The following NR3C2 variants were observed in gnomAD, a reference collection of about 807,000 sequenced individuals.
The protein encoded by NR3C2 is nuclear receptor subfamily 3 group C member 2.
In NR3C2, 15 loss-of-function variants were observed where a neutral mutation model predicts 86.4. That is an observed-to-expected ratio of 0.17 (90% CI 0.12 to 0.27). The LOEUF is 0.27. NR3C2 is among the 10% of genes least tolerant of loss of function. NR3C2 has a pLI of 1.00. For missense variants in NR3C2, 960 were observed against 1,195.6 expected (o/e 0.80, Z 2.91); for synonymous variants, 458 against 450.5 (o/e 1.02, Z -0.21).
At chr4:148,394,378 AAAAAAAC>A in intron 2 of NR3C2, among the ~76,000 whole-genome samples, 1 of 152,112 alleles carries the variant, frequency 6.6e-6, no homozygotes, top group East Asian at 1.9e-4. Flanking sequence ...TATCTTGAAA[AAAAAAAC>A]AAAAAACAAA....
chr4:148,387,879 T>C (rs1251724173), intron 2 of NR3C2, among the ~76,000 whole-genome samples: 1 of 152,166 alleles, frequency 6.6e-6, no homozygotes, highest in Non-Finnish European at 1.5e-5. Context: ...CAAGCAGTAT[T>C]TTACAGGTGG....
intron 6 of NR3C2, 112 bp from the exon 7 acceptor site, chr4:148,120,400 T>C: frequency 7.8e-7 from 1 of 1,278,636 alleles, no homozygotes; most frequent in South Asian, 1.2e-5. Context: ...CCTTTTGGCT[T>C]CAACATGGAG....
intron 2 of NR3C2, among the ~76,000 whole-genome samples, chr4:148,329,849 A>G (rs1744146839): frequency 6.6e-6 from 1 of 152,228 alleles, no homozygotes; most frequent in Non-Finnish European, 1.5e-5. Flanking sequence ...TTTAATCGTT[A>G]ACTGGAGAAG....
chr4:148,138,260 A>G (rs1733444024), intron 6 of NR3C2, among the ~76,000 whole-genome samples: 1 of 152,228 alleles, frequency 6.6e-6, no homozygotes. Context: ...AAATACTGTC[A>G]TGATATCAGA....
chr4:148,221,207 G>A (rs867796544), intron 3 of NR3C2, among the ~76,000 whole-genome samples: 30 of 152,272 alleles, frequency 2.0e-4, no homozygotes, highest in African/African-American at 5.1e-4. Flanking sequence ...TGGCTGAAGC[G>A]TTTAAAAGGT....
At chr4:148,206,886 G>A (rs1480906333) in intron 3 of NR3C2, among the ~76,000 whole-genome samples, 1 of 152,128 alleles carries the variant, frequency 6.6e-6, no homozygotes, top group East Asian at 1.9e-4. Flanking sequence ...CAGGTTACTG[G>A]GTTAGGCAAG....
At chr4:148,269,678 A>C (rs1277294130) in intron 2 of NR3C2, among the ~76,000 whole-genome samples, 4 of 152,190 alleles carry the variant, frequency 2.6e-5, no homozygotes, top group South Asian at 2.1e-4. Context: ...CAAAACAAAA[A>C]AAACACCTGT....
chr4:148,174,571 G>C (rs981560653), intron 4 of NR3C2, among the ~76,000 whole-genome samples: 4 of 152,200 alleles, frequency 2.6e-5, no homozygotes, highest in African/African-American at 9.7e-5. Flanking sequence ...GGGAGCCTGG[G>C]GCATGGAGCA....
intron 2 of NR3C2, among the ~76,000 whole-genome samples, chr4:148,287,092 G>A (rs72655275): frequency 8.5e-5 from 13 of 152,326 alleles, no homozygotes; most frequent in African/African-American, 2.9e-4. Flanking sequence ...GGCCCATGAG[G>A]CTGCTCAACC....
At chr4:148,099,898 G>T (rs1731457931) in intron 8 of NR3C2, among the ~76,000 whole-genome samples, 1 of 151,988 alleles carries the variant, frequency 6.6e-6, no homozygotes, top group Non-Finnish European at 1.5e-5. Flanking sequence ...TAAAATTTTT[G>T]TTTTTTCCAG....
At chr4:148,130,948 C>T (rs192491743) in intron 6 of NR3C2, among the ~76,000 whole-genome samples, 2 of 151,604 alleles carry the variant, frequency 1.3e-5, no homozygotes, top group African/African-American at 2.4e-5. Flanking sequence ...CTCAGCCTCC[C>T]GAGTAGCCGG....
At chr4:148,082,287 A>G (rs937311604) in intron 8 of NR3C2, among the ~76,000 whole-genome samples, 1 of 152,232 alleles carries the variant, frequency 6.6e-6, no homozygotes, top group Non-Finnish European at 1.5e-5. Flanking sequence ...ACGGCCAAAT[A>G]GGAACAGCTC....
chr4:148,302,560 G>T (rs1489395270), intron 2 of NR3C2, among the ~76,000 whole-genome samples: 4 of 152,166 alleles, frequency 2.6e-5, no homozygotes, highest in Non-Finnish European at 4.4e-5. Context: ...CACAACTGGA[G>T]AAACCAGTTG....
chr4:148,094,452 G>A (rs1322394351), intron 8 of NR3C2, among the ~76,000 whole-genome samples: 11 of 152,254 alleles, frequency 7.2e-5, no homozygotes, highest in South Asian at 2.1e-4. Context: ...TGGGGCCCAC[G>A]CCTGTAATCC....
At chr4:148,412,821 G>GCACGCACA (rs1748774107) in intron 2 of NR3C2, among the ~76,000 whole-genome samples, 1 of 115,954 alleles carries the variant, frequency 8.6e-6, no homozygotes, top group Non-Finnish European at 1.9e-5. Flanking sequence ...GCACATGTGC[G>GCACGCACA]CACACACACA....
chr4:148,377,019 TTAGGTC>T (rs1192543782), intron 2 of NR3C2, among the ~76,000 whole-genome samples: 3 of 152,230 alleles, frequency 2.0e-5, no homozygotes, highest in Non-Finnish European at 4.4e-5. Context: ...ACATATTTGC[TTAGGTC>T]ACACTTTTTA....
chr4:148,224,038 T>C (rs34372017), intron 3 of NR3C2, among the ~76,000 whole-genome samples: 3,411 of 151,892 alleles, frequency 0.022, 66 homozygotes, highest in Middle Eastern at 0.048. Flanking sequence ...TGACTCAATG[T>C]ACTAAAGGGA....
At chr4:148,124,480 C>T (rs1302449277) in intron 6 of NR3C2, among the ~76,000 whole-genome samples, 1 of 152,122 alleles carries the variant, frequency 6.6e-6, no homozygotes, top group African/African-American at 2.4e-5. Flanking sequence ...TGAAGGTAGC[C>T]TGCATTTTTC....
At chr4:148,099,462 G>A (rs1278308585) in intron 8 of NR3C2, among the ~76,000 whole-genome samples, 2 of 152,150 alleles carry the variant, frequency 1.3e-5, no homozygotes, top group Admixed American at 6.5e-5. Flanking sequence ...CCGTGAAAAT[G>A]CATTTAATCA....
Sources: gnomAD v4.1 joint callset for allele counts (sites outside exome capture counted in the v4.1 genomes callset) on GRCh38, gnomAD v4.1.1 for gene constraint, MANE v1.5 for transcripts, NCBI Gene and HGNC (gene_info 2026-07-23, HGNC 2026-07-21) for gene names.